The following ZRANB3 variants were observed in gnomAD, a reference collection of about 807,000 sequenced individuals.
ZRANB3 encodes zinc finger RANBP2-type containing 3.
In ZRANB3, 125 loss-of-function variants were observed where a neutral mutation model predicts 133.8. The ratio of observed to expected loss-of-function variants is 0.93; its 90% CI spans 0.81 to 1.08. The LOEUF is 1.08. Among genes scored for constraint, ZRANB3 ranks in the 50% least tolerant of loss-of-function variants. The probability of loss-of-function intolerance (pLI) is 0.00; values close to 1 mark genes in which losing one functional copy is unlikely to be tolerated. For synonymous variants in ZRANB3, 387 were observed against 432.7 expected, an observed-to-expected ratio of 0.89 and a Z score of 1.31; for missense variants, 1,229 against 1,275.5, an observed-to-expected ratio of 0.96 and a Z score of 0.56.
At chr2:135,315,792 T>TA (rs1683220565) in intron 6 of ZRANB3, among the ~76,000 whole-genome samples, 1 of 152,248 alleles carries the variant, frequency 6.6e-6, no homozygotes, top group African/African-American at 2.4e-5. Flanking sequence ...AACTGATGAC[T>TA]GTGAATTGCA....
At chr2:135,388,147 A>G (rs1055224938) in intron 3 of ZRANB3, among the ~76,000 whole-genome samples, 1 of 152,220 alleles carries the variant, frequency 6.6e-6, no homozygotes, top group Non-Finnish European at 1.5e-5. Flanking sequence ...GCAGCATGCA[A>G]GAGAGCGTGT....
chr2:135,494,844 G>C (rs534435165), intron 2 of ZRANB3, among the ~76,000 whole-genome samples: 2 of 152,316 alleles, frequency 1.3e-5, no homozygotes, highest in East Asian at 3.9e-4. Flanking sequence ...ATTAAATGCA[G>C]TAAGTGATCC....
At chr2:135,393,036 A>G (rs564254261) in intron 2 of ZRANB3, among the ~76,000 whole-genome samples, 197 of 151,570 alleles carry the variant, frequency 1.3e-3, no homozygotes, top group Non-Finnish European at 2.3e-3. Context: ...ACACCCAGCT[A>G]TTTTTTTTAT....
At chr2:135,473,904 GAC>G (rs1165310781) in intron 2 of ZRANB3, among the ~76,000 whole-genome samples, 1 of 152,064 alleles carries the variant, frequency 6.6e-6, no homozygotes, top group Non-Finnish European at 1.5e-5. Flanking sequence ...ACTAATGTAG[GAC>G]ACACACAGAG....
intron 2 of ZRANB3, among the ~76,000 whole-genome samples, chr2:135,486,850 T>C (rs2104800993): frequency 1.3e-5 from 2 of 152,344 alleles, no homozygotes; most frequent in Middle Eastern, 3.4e-3. Flanking sequence ...AAGTAATCCA[T>C]GAGGACTGGG....
rs1350372071 is a variant in ZRANB3 at position 135,415,130 on chromosome 2, CA to C, written c.162-24311del. On this transcript the variant is annotated intron_variant, in intron 2 of 20. Coordinates refer to ENST00000264159, the MANE Select transcript of ZRANB3 (RefSeq NM_032143.4). Reference sequence around the variant, plus strand: ...AGAGCAGAACGGAAGGAAATAGAGACAAAAAAAAAACCCTTCAAAAAATTAA... The same window carrying C: ...AGAGCAGAACGGAAGGAAATAGAGACAAAAAAAAACCCTTCAAAAAATTAA... Among the ~76,000 whole-genome samples the C allele has an allele frequency of 4.0e-4, 48 of 119,928 alleles. 1 individual carries two copies. The South Asian group carries it at 4.7e-3, about 12-fold the overall frequency. The allele number at this position is 119,928 out of a possible 152,430, so 78.7% of individuals were successfully genotyped here.
chr2:135,369,189 A>G (rs2104896869), intron 3 of ZRANB3, among the ~76,000 whole-genome samples: 1 of 152,218 alleles, frequency 6.6e-6, no homozygotes, highest in Middle Eastern at 3.4e-3. Context: ...AATACATAGA[A>G]AGTATTTGAA....
At chr2:135,205,916 C>A (rs796927100) in intron 19 of ZRANB3, among the ~76,000 whole-genome samples, 1 of 152,112 alleles carries the variant, frequency 6.6e-6, no homozygotes, top group Non-Finnish European at 1.5e-5. Flanking sequence ...AATCGCCAGA[C>A]CATAGGTGCC....
chr2:135,409,663 C>A (rs1688214028), intron 2 of ZRANB3, among the ~76,000 whole-genome samples: 1 of 152,012 alleles, frequency 6.6e-6, no homozygotes. Flanking sequence ...TAGAAAGCAT[C>A]CGAAAAAGAG....
intron 12 of ZRANB3, among the ~76,000 whole-genome samples, chr2:135,259,289 T>C (rs899172065): frequency 1.3e-5 from 2 of 150,460 alleles, no homozygotes; most frequent in African/African-American, 5.0e-5. Flanking sequence ...CTCAAAGTGC[T>C]TGGATTACAG....
At chr2:135,397,744 C>T (rs976952718) in intron 2 of ZRANB3, among the ~76,000 whole-genome samples, 15 of 152,182 alleles carry the variant, frequency 9.9e-5, no homozygotes, top group Non-Finnish European at 2.2e-4. Context: ...TCCATGCCTG[C>T]TTTCTGCTAC....
At chr2:135,247,846 G>C (rs1695871326) in intron 12 of ZRANB3, among the ~76,000 whole-genome samples, 1 of 152,190 alleles carries the variant, frequency 6.6e-6, no homozygotes. Context: ...GAGAGTCCAA[G>C]CGAAAGGGAG....
chr2:135,375,275 T>C (rs1245781819), intron 3 of ZRANB3, among the ~76,000 whole-genome samples: 1 of 152,116 alleles, frequency 6.6e-6, no homozygotes, highest in African/African-American at 2.4e-5. Flanking sequence ...GGAAAGGAAT[T>C]AATCAGAGAA....
intron 1 of ZRANB3, among the ~76,000 whole-genome samples, 197 bp downstream of exon 1, chr2:135,530,930 A>G (rs1377497552): frequency 6.6e-6 from 1 of 152,186 alleles, no homozygotes; most frequent in African/African-American, 2.4e-5. Flanking sequence ...CTCCAGGCCG[A>G]AAAGAGCAAT....
At chr2:135,314,143 C>T (rs1449907610) in intron 7 of ZRANB3, among the ~76,000 whole-genome samples, 2 of 152,074 alleles carry the variant, frequency 1.3e-5, no homozygotes, top group African/African-American at 4.8e-5. Context: ...GGACTACAGG[C>T]GTGAGCCACC....
At position 135,200,288 on chromosome 2, in the gene ZRANB3, A is replaced by G; in HGVS notation, c.*54T>C. On this transcript the variant is annotated 3_prime_UTR_variant, in exon 21 of 21. Transcript: ENST00000264159. ...TTAAACAAACATGGAAAACTTCTGT[A>G]TTAAAGTCTTCCACATGTAAACCAT... is the stretch of plus-strand genomic sequence containing the variant. 1 of 1,431,212 alleles carries G rather than the reference A, an allele frequency of 7.0e-7. No individual in the cohort carries two copies. The highest frequency in any genetic ancestry group is 9.6e-7 in the Non-Finnish European group (1 of 1,042,414). 88.7% of individuals were successfully genotyped at this position (1,431,212 alleles called of 1,614,324 possible).
intron 2 of ZRANB3, among the ~76,000 whole-genome samples, chr2:135,410,899 A>G (rs1291274208): frequency 6.6e-6 from 1 of 152,146 alleles, no homozygotes; most frequent in Non-Finnish European, 1.5e-5. Flanking sequence ...AACTAAAACC[A>G]CAATAAGATA....
intron 17 of ZRANB3, among the ~76,000 whole-genome samples, chr2:135,214,898 T>C (rs1694242607): frequency 6.6e-6 from 1 of 152,232 alleles, no homozygotes; most frequent in African/African-American, 2.4e-5. Context: ...ATTAATTTAC[T>C]GTACTCATAC....
At chr2:135,379,450 C>A (rs1686585900) in intron 3 of ZRANB3, among the ~76,000 whole-genome samples, 1 of 152,148 alleles carries the variant, frequency 6.6e-6, no homozygotes, top group African/African-American at 2.4e-5. Context: ...AGAGTTGGAG[C>A]TGAATCACTC....
Sources: allele counts gnomAD v4.1 joint callset (sites outside exome capture counted in the v4.1 genomes callset), GRCh38; gene constraint gnomAD v4.1.1; transcripts MANE v1.5; gene names NCBI Gene and HGNC (gene_info 2026-07-23, HGNC 2026-07-21).